The following DISP1 variants were observed in gnomAD, a reference collection of about 807,000 sequenced individuals.
DISP1 encodes dispatched RND transporter family member 1.
Under a neutral mutation model 37.3 loss-of-function variants are expected in DISP1, and 30 were observed. The observed-to-expected ratio is 0.80, with a 90% CI of 0.60 to 1.09. DISP1 has a LOEUF of 1.09. Ranked by LOEUF, DISP1 falls within the 50% of genes least tolerant of loss-of-function variation. The pLI is 0.00. For synonymous variants in DISP1, 634 were observed against 690.2 expected, an observed-to-expected ratio of 0.92 and a Z score of 1.28; for missense variants, 1,598 against 1,879.5, an observed-to-expected ratio of 0.85 and a Z score of 2.77.
intron 1 of DISP1, among the ~76,000 whole-genome samples, chr1:222,874,039 G>C (rs1669782296): frequency 1.3e-5 from 2 of 152,140 alleles, no homozygotes; most frequent in Admixed American, 6.5e-5. Flanking sequence ...ATGAAACTTA[G>C]TTTGGCTGGA....
intron 8 of DISP1, among the ~76,000 whole-genome samples, chr1:222,997,676 A>G (rs1679172265): frequency 2.0e-5 from 3 of 152,186 alleles, no homozygotes; most frequent in Admixed American, 2.0e-4. Context: ...CTTTCTACCG[A>G]GTTGATAAGG....
chr1:222,870,423 C>T (rs1177848669), intron 1 of DISP1, among the ~76,000 whole-genome samples: 1 of 152,142 alleles, frequency 6.6e-6, no homozygotes, highest in Non-Finnish European at 1.5e-5. Context: ...AAAAGTGTTC[C>T]TATTTCTCCA....
chr1:222,977,506 C>T (rs1394417554), intron 3 of DISP1, among the ~76,000 whole-genome samples: 1 of 146,420 alleles, frequency 6.8e-6, no homozygotes, highest in Non-Finnish European at 1.5e-5. Flanking sequence ...TTTATGACAT[C>T]ATTGTCATTT....
At chr1:222,936,364 T>C (rs1380106615) in intron 2 of DISP1, among the ~76,000 whole-genome samples, 1 of 151,964 alleles carries the variant, frequency 6.6e-6, no homozygotes, top group Non-Finnish European at 1.5e-5. Flanking sequence ...TGATAGCATT[T>C]TCAATGTGAT....
At chr1:222,974,610 A>G (rs908347116) in intron 3 of DISP1, among the ~76,000 whole-genome samples, 3 of 152,188 alleles carry the variant, frequency 2.0e-5, no homozygotes, top group Non-Finnish European at 4.4e-5. Flanking sequence ...CAAGATGACC[A>G]ACACTTTTGA....
intron 1 of DISP1, among the ~76,000 whole-genome samples, chr1:222,904,580 T>A (rs527665415): frequency 2.0e-5 from 3 of 151,672 alleles, no homozygotes; most frequent in South Asian, 2.1e-4. Flanking sequence ...TTTTATTTTT[T>A]TTTTTGAGAT....
intron 1 of DISP1, among the ~76,000 whole-genome samples, chr1:222,873,826 C>T (rs1194253039): frequency 6.6e-6 from 1 of 151,912 alleles, no homozygotes; most frequent in African/African-American, 2.4e-5. Flanking sequence ...ATGATGTTAG[C>T]TGGTTATTTT....
At chr1:222,926,587 G>A (rs764199049) in intron 1 of DISP1, among the ~76,000 whole-genome samples, 3 of 152,114 alleles carry the variant, frequency 2.0e-5, no homozygotes, top group Admixed American at 6.6e-5. Context: ...CTTGTTTTAT[G>A]TGTGTTTCTT....
chr1:222,969,765 G>A (rs1676801754), intron 3 of DISP1, among the ~76,000 whole-genome samples: 1 of 151,902 alleles, frequency 6.6e-6, no homozygotes, highest in Non-Finnish European at 1.5e-5. Context: ...AGAGAAAATA[G>A]ATCAAAAAGA....
intron 1 of DISP1, among the ~76,000 whole-genome samples, chr1:222,903,741 G>GAT (rs1307456114): frequency 6.6e-6 from 1 of 152,104 alleles, no homozygotes; most frequent in African/African-American, 2.4e-5. Flanking sequence ...TGGTATCATA[G>GAT]ATATTTGACA....
chr1:222,947,114 A>T (rs904260460), intron 3 of DISP1, among the ~76,000 whole-genome samples: 1 of 152,148 alleles, frequency 6.6e-6, no homozygotes, highest in Non-Finnish European at 1.5e-5. Flanking sequence ...CATCACTACT[A>T]CCTTTGTCCA....
At chr1:222,941,736 G>T (rs1463647029) in intron 2 of DISP1, among the ~76,000 whole-genome samples, 1 of 152,100 alleles carries the variant, frequency 6.6e-6, no homozygotes, top group Admixed American at 6.6e-5. Flanking sequence ...GATTTCTTCT[G>T]ATTACCTGTG....
At chr1:222,896,096 C>T (rs1251867631) in intron 1 of DISP1, among the ~76,000 whole-genome samples, 2 of 149,924 alleles carry the variant, frequency 1.3e-5, no homozygotes, top group Admixed American at 1.3e-4. Flanking sequence ...GATAGCTTTA[C>T]ATCCAGGAAT....
intron 1 of DISP1, among the ~76,000 whole-genome samples, chr1:222,863,645 A>T (rs1669009058): frequency 6.6e-6 from 1 of 152,028 alleles, no homozygotes; most frequent in African/African-American, 2.4e-5. Flanking sequence ...CGATTCTTCC[A>T]CATTTATTAG....
intron 1 of DISP1, among the ~76,000 whole-genome samples, chr1:222,824,702 C>G (rs1663860742): frequency 6.6e-6 from 1 of 151,854 alleles, no homozygotes; most frequent in Admixed American, 6.6e-5. Flanking sequence ...TTTGCTGCAT[C>G]AATTCAAAAG....
chr1:222,856,849 G>T (rs1343662010), intron 1 of DISP1, among the ~76,000 whole-genome samples: 1 of 151,784 alleles, frequency 6.6e-6, no homozygotes, highest in Non-Finnish European at 1.5e-5. Context: ...GATTACAGGT[G>T]CATGCCACCA....
chr1:222,959,811 A>T (rs1675912688), intron 3 of DISP1, among the ~76,000 whole-genome samples: 1 of 151,924 alleles, frequency 6.6e-6, no homozygotes, highest in African/African-American at 2.4e-5. Context: ...AGAAAAAAAA[A>T]AAAAGCAAGC....
intron 1 of DISP1, among the ~76,000 whole-genome samples, chr1:222,821,133 G>GATCCACC (rs1662774566): frequency 6.6e-6 from 1 of 152,074 alleles, no homozygotes; most frequent in Admixed American, 6.6e-5. Flanking sequence ...AATGAACAAT[G>GATCCACC]CACCTTTTGG....
intron 8 of DISP1, among the ~76,000 whole-genome samples, chr1:222,995,955 C>A (rs1679039466): frequency 6.6e-6 from 1 of 152,156 alleles, no homozygotes; most frequent in Admixed American, 6.5e-5. Context: ...ACATGAGTAC[C>A]TTCTAAGAAC....
Sources: allele counts gnomAD v4.1 joint callset (sites outside exome capture counted in the v4.1 genomes callset), GRCh38; gene constraint gnomAD v4.1.1; transcripts MANE v1.5; gene names NCBI Gene and HGNC (gene_info 2026-07-23, HGNC 2026-07-21).